The following MFSD6 variants were observed in gnomAD, a reference collection of about 807,000 sequenced individuals.
The protein encoded by MFSD6 is major facilitator superfamily domain containing 6, also known as major facilitator superfamily domain-containing protein 6.
A neutral mutation model predicts 56.3 loss-of-function variants in MFSD6; 26 were observed. The observed-to-expected ratio is 0.46, with a 90% CI of 0.34 to 0.64. The LOEUF is 0.64. Ranked by LOEUF, MFSD6 falls within the 30% of genes least tolerant of loss-of-function variation. The pLI is 0.01. For synonymous variants in MFSD6, 331 were observed against 366.9 expected (o/e 0.90, Z 1.12); for missense variants, 750 against 986.2 (o/e 0.76, Z 3.21).
intron 2 of MFSD6, among the ~76,000 whole-genome samples, chr2:190,429,866 C>CTT (rs1023163281): frequency 5.8e-4 from 88 of 151,472 alleles, no homozygotes; most frequent in African/African-American, 2.0e-3. Context: ...CTTTATTATA[C>CTT]TTTAAGTTCT....
chr2:190,454,275 G>A lies in MFSD6; in HGVS notation c.1533-15483G>A, dbSNP rs1464185808. 1.3e-5 allele frequency: 2 copies of A among 152,132 alleles called. No homozygotes were observed. The highest frequency in any genetic ancestry group is 4.8e-5 in the African/African-American group (2 of 41,418). 9.4% of individuals were successfully genotyped at this position (152,132 alleles called of 1,614,324 possible). On this transcript the variant is annotated intron_variant, in intron 3 of 7. Coordinates refer to ENST00000392328, the MANE Select transcript of MFSD6 (RefSeq NM_017694.4). The surrounding 1 kb of genome is among the most constrained non-coding windows in gnomAD (Gnocchi z 4.6). ...AGCCACGGTTCATGGAGCCCCTGGG[G>A]AGGTTTCCAATTGTGTTAGAGAGTG...
intron 3 of MFSD6, among the ~76,000 whole-genome samples, chr2:190,440,714 C>T (rs1380172665): frequency 1.3e-5 from 2 of 152,146 alleles, no homozygotes; most frequent in Admixed American, 6.5e-5. Context: ...TGACTTTGCC[C>T]TGAAATTCTT....
intron 3 of MFSD6, among the ~76,000 whole-genome samples, chr2:190,440,376 A>G (rs1686329087): frequency 6.6e-6 from 1 of 152,206 alleles, no homozygotes; most frequent in African/African-American, 2.4e-5. Flanking sequence ...CTGGAAGGTG[A>G]CTTTCTCAGG....
chr2:190,478,922 C>T (rs1688502050), intron 4 of MFSD6, among the ~76,000 whole-genome samples: 2 of 152,102 alleles, frequency 1.3e-5, no homozygotes, highest in Non-Finnish European at 2.9e-5. Context: ...CTGTCTAGTA[C>T]TATCTAGAGG....
chr2:190,461,606 C>G lies in MFSD6; in HGVS notation c.1533-8152C>G, dbSNP rs1227227413. Among the ~76,000 whole-genome samples the G allele has an allele frequency of 3.3e-5, 5 of 152,198 alleles. No homozygotes were observed. The highest frequency in any genetic ancestry group is 5.9e-5 in the Non-Finnish European group (4 of 68,038). On this transcript the variant is annotated intron_variant, in intron 3 of 7. Transcript: ENST00000392328. The surrounding 1 kb of genome is among the most constrained non-coding windows in gnomAD (Gnocchi z 5.5). ...CGGTGACTGGTAAAGGCCTCGTTCTCTGCCTCCCAGATAGCACCTTGAATG... is the reference window on the plus strand; with the variant it reads ...CGGTGACTGGTAAAGGCCTCGTTCTGTGCCTCCCAGATAGCACCTTGAATG...
intron 4 of MFSD6, among the ~76,000 whole-genome samples, chr2:190,481,344 C>T (rs1213497426): frequency 6.6e-6 from 1 of 152,228 alleles, no homozygotes; most frequent in African/African-American, 2.4e-5. Context: ...AAGAGATCTA[C>T]TATTTTATTT....
chr2:190,484,282 A>G (rs1461430111), intron 4 of MFSD6, among the ~76,000 whole-genome samples: 1 of 152,214 alleles, frequency 6.6e-6, no homozygotes, highest in Non-Finnish European at 1.5e-5. Flanking sequence ...CATACTTAAA[A>G]AGGTTTAAAA....
chr2:190,436,874 A>G lies in MFSD6; in HGVS notation c.845A>G (p.Gln282Arg). The change falls in exon 3 of 8, where the codon CAA (glutamine) becomes CGA (arginine). Residue 282 changes from glutamine to arginine, a missense_variant. Physicochemically the swap from Gln to Arg is conservative, Grantham distance 43. This residue lies in a region of MFSD6 where 376 missense variants were observed against 437.9 expected (regional missense o/e 0.86). Transcript: ENST00000392328. The surrounding 1 kb of genome is among the most constrained non-coding windows in gnomAD (Gnocchi z 5.3). ...SDQVMLVYDQ[Q>R]EVEAIFLVIL... ...CAAGTCATGCTTGTTTATGATCAAC[A>G]AGAAGTTGAAGCTATATTCTTGGTG... 6.2e-7 allele frequency: 1 copy of G among 1,614,234 alleles called. No homozygotes were observed. The highest frequency in any genetic ancestry group is 8.5e-7 in the Non-Finnish European group (1 of 1,180,040).
In MFSD6 at chr2:190,443,026, G is replaced by T. The variant is rs1412600955; in HGVS notation, c.1532+5465G>T. 1 of 152,150 alleles carries T rather than the reference G, an allele frequency of 6.6e-6. No individual in the cohort carries two copies. Among genetic ancestry groups the T allele is most frequent in the East Asian group, 1.9e-4 (1 of 5,194 alleles). 9.4% of individuals were successfully genotyped at this position (152,150 alleles called of 1,614,324 possible). On this transcript the variant is annotated intron_variant, in intron 3 of 7. Transcript: ENST00000392328. The surrounding 1 kb of genome is among the most constrained non-coding windows in gnomAD (Gnocchi z 4.2). ...TTAAAGTAAGTATCCTTATGCTTGA[G>T]AATATTTTGTGTTATATGGAACTGT...
At chr2:190,428,827 C>T (rs1387599349) in intron 2 of MFSD6, among the ~76,000 whole-genome samples, 2 of 152,080 alleles carry the variant, frequency 1.3e-5, no homozygotes, top group African/African-American at 4.8e-5. Flanking sequence ...CATCTGCCAC[C>T]ATGCCTGGCT....
rs1440955406 is a variant in MFSD6 at position 190,501,939 on chromosome 2, G to A, written c.*1721G>A. 1 of 152,600 alleles carries A rather than the reference G, an allele frequency of 6.6e-6. No individual in the cohort carries two copies. The highest frequency in any genetic ancestry group is 1.5e-5 in the Non-Finnish European group (1 of 68,032). The allele number at this position is 152,600 out of a possible 1,614,324, so 9.5% of individuals were successfully genotyped here. A position where few individuals can be genotyped will look rare whatever the true frequency, so the allele number is the denominator to read the frequency against. On this transcript the variant is annotated 3_prime_UTR_variant, in exon 8 of 8. Transcript: ENST00000392328. ...CTCACCTATGAATGTACAGTATGTG[G>A]ATTTGTGAAACTGACTGTAGGAAGT...
chr2:190,408,687 G>C (rs919830163), intron 1 of MFSD6, among the ~76,000 whole-genome samples, 184 bp downstream of exon 1: 2 of 143,224 alleles, frequency 1.4e-5, no homozygotes, highest in African/African-American at 4.9e-5. Context: ...GGCCTCGCTC[G>C]CCCGCCGCTC....
At chr2:190,482,672 C>CT (rs59305081) in intron 4 of MFSD6, among the ~76,000 whole-genome samples, 1 of 151,694 alleles carries the variant, frequency 6.6e-6, no homozygotes, top group Non-Finnish European at 1.5e-5. Flanking sequence ...GAAGAAAGGA[C>CT]TTTTTTTCCT....
At chr2:190,482,672 CT>C (rs59305081) in intron 4 of MFSD6, among the ~76,000 whole-genome samples, 26,536 of 151,712 alleles carry the variant, frequency 0.17, 2,485 homozygotes, top group East Asian at 0.3. Context: ...GAAGAAAGGA[CT>C]TTTTTTCCTG....
chr2:190,445,270 C>T (rs958900116), intron 3 of MFSD6, among the ~76,000 whole-genome samples: 2 of 152,082 alleles, frequency 1.3e-5, no homozygotes, highest in African/African-American at 2.4e-5. Flanking sequence ...AAGAAGCAGT[C>T]GGAGATGCTG....
intron 3 of MFSD6, among the ~76,000 whole-genome samples, chr2:190,455,603 C>T (rs1468909805): frequency 6.6e-6 from 1 of 152,074 alleles, no homozygotes; most frequent in East Asian, 1.9e-4. Flanking sequence ...AACGCTTATC[C>T]TTCCTGTTTC....
chr2:190,493,144 A>T (rs780901319), intron 6 of MFSD6, among the ~76,000 whole-genome samples: 10 of 152,032 alleles, frequency 6.6e-5, no homozygotes, highest in Non-Finnish European at 2.9e-5. Flanking sequence ...GACTCGCCTA[A>T]CACATAGGAA....
rs1458771810 is a variant in MFSD6 at position 190,488,866 on chromosome 2, A to AT, written c.1792+54dup. 7 of 1,473,234 alleles carry AT rather than the reference A, an allele frequency of 4.8e-6. No individual in the cohort carries two copies. Among genetic ancestry groups the AT allele is most frequent in the South Asian group, 4.3e-5 (3 of 69,334 alleles). 91.3% of individuals were successfully genotyped at this position (1,473,234 alleles called of 1,614,324 possible). ...TTTTCTTTTCTATTATTAAAACATG[A>AT]TTTTTTCCAGCAATACCTCAATAAA... On this transcript the variant is annotated intron_variant, in intron 5 of 7. Coordinates refer to ENST00000392328, the MANE Select transcript of MFSD6 (RefSeq NM_017694.4). This position sits in a 1 kb window ranked among gnomAD's most constrained non-coding sequence, Gnocchi z 6.4.
At chr2:190,448,108 A>G (rs1176133320) in intron 3 of MFSD6, among the ~76,000 whole-genome samples, 5 of 152,180 alleles carry the variant, frequency 3.3e-5, no homozygotes, top group African/African-American at 9.7e-5. Context: ...TGTGTACTGT[A>G]CCTTTTGTGA....
Sources: allele counts gnomAD v4.1 joint callset (sites outside exome capture counted in the v4.1 genomes callset), GRCh38; gene constraint gnomAD v4.1.1; regional missense constraint gnomAD v4.1.1; non-coding constraint Gnocchi (gnomAD v3.1); transcripts MANE v1.5; gene names NCBI Gene and HGNC (gene_info 2026-07-23, HGNC 2026-07-21).